MXRA7: variants seen among roughly 807,000 people sequenced by gnomAD.
MXRA7 encodes the protein matrix-remodeling-associated protein 7.
MXRA7 carries 18 observed loss-of-function variants against 17.4 expected under a neutral mutation model. That is an observed-to-expected ratio of 1.03 (90% CI 0.71 to 1.53). MXRA7 has a LOEUF of 1.53. MXRA7 is among the 40% of genes most tolerant of loss of function. The probability of loss-of-function intolerance (pLI) is 0.00; values close to 1 mark genes in which losing one functional copy is unlikely to be tolerated. For synonymous variants in MXRA7, 70 were observed against 101.7 expected (o/e 0.69, Z 1.87); for missense variants, 141 against 209.3 (o/e 0.67, Z 2.01).
chr17:76,689,585 T>C (rs1323736677), intron 1 of MXRA7: 5 of 152,168 alleles, frequency 3.3e-5, no homozygotes, highest in Admixed American at 3.3e-4. Context: ...TGGGCAGGCC[T>C]CTTCCGGGGG....
downstream of MXRA7, among the ~76,000 whole-genome samples, chr17:76,678,932 CTG>C (rs1043191113): frequency 2.0e-5 from 3 of 152,332 alleles, no homozygotes; most frequent in African/African-American, 4.8e-5. Context: ...CCTGGGAAAG[CTG>C]TGTCTACAGT....
intron 1 of MXRA7, among the ~76,000 whole-genome samples, chr17:76,701,428 G>A (rs907821207): frequency 1.1e-4 from 17 of 152,078 alleles, no homozygotes; most frequent in African/African-American, 3.9e-4. Context: ...ACTTGTCAGC[G>A]TGTTGGGCTG....
chr17:76,701,680 G>C (rs1380539591), intron 1 of MXRA7, among the ~76,000 whole-genome samples: 3 of 152,188 alleles, frequency 2.0e-5, no homozygotes, highest in African/African-American at 7.2e-5. Context: ...AGTATGTTGT[G>C]GGTGGGGGGT....
intron 1 of MXRA7, among the ~76,000 whole-genome samples, chr17:76,710,319 AG>A (rs2076705088): frequency 6.6e-6 from 1 of 152,210 alleles, no homozygotes; most frequent in Non-Finnish European, 1.5e-5. Flanking sequence ...GCAGCTGCGG[AG>A]CACGCCCTGG....
At chr17:76,688,290 G>T in intron 1 of MXRA7, 114 bp from the exon 2 acceptor site, 1 of 1,521,434 alleles carries the variant, frequency 6.6e-7, no homozygotes. Flanking sequence ...GCCTGCCCAC[G>T]CCCTGTGGCA....
At chr17:76,687,972 A>T in intron 2 of MXRA7, 141 bp downstream of exon 2, 1 of 833,510 alleles carries the variant, frequency 1.2e-6, no homozygotes, top group Non-Finnish European at 1.9e-6. Flanking sequence ...GCCAGACTCT[A>T]CCTCTCATGC....
intron 1 of MXRA7, among the ~76,000 whole-genome samples, chr17:76,696,435 C>T (rs1198777483): frequency 1.3e-5 from 2 of 151,954 alleles, no homozygotes; most frequent in East Asian, 1.9e-4. Context: ...GTGGGAGGAT[C>T]GCTTGAGTCC....
At chr17:76,700,203 C>T (rs1375640281) in intron 1 of MXRA7, among the ~76,000 whole-genome samples, 1 of 152,132 alleles carries the variant, frequency 6.6e-6, no homozygotes, top group Non-Finnish European at 1.5e-5. Context: ...AACTCCTGAC[C>T]TCAGGTGATC....
downstream of MXRA7, among the ~76,000 whole-genome samples, chr17:76,679,371 A>G (rs759944212): frequency 5.9e-5 from 9 of 152,050 alleles, no homozygotes; most frequent in South Asian, 4.1e-4. Flanking sequence ...AGCACAATCC[A>G]TATGTCCCTG....
At chr17:76,696,114 A>G (rs2076530713) in intron 1 of MXRA7, among the ~76,000 whole-genome samples, 1 of 152,094 alleles carries the variant, frequency 6.6e-6, no homozygotes, top group African/African-American at 2.4e-5. Context: ...AAAAGAAAGA[A>G]AGAAACAGTG....
intron 1 of MXRA7, among the ~76,000 whole-genome samples, chr17:76,704,127 T>C (rs917090156): frequency 6.6e-6 from 1 of 150,822 alleles, no homozygotes; most frequent in African/African-American, 2.4e-5. Flanking sequence ...GAAGATAGCA[T>C]TGCTTCTACC....
At chr17:76,710,463 T>G in intron 1 of MXRA7, 142 bp downstream of exon 1, 1 of 664,096 alleles carries the variant, frequency 1.5e-6, no homozygotes, top group Non-Finnish European at 2.1e-6. Context: ...GGACCTGCAT[T>G]TCCTGCGGGC....
intron 1 of MXRA7, among the ~76,000 whole-genome samples, chr17:76,703,897 C>T (rs1230094790): frequency 6.6e-6 from 1 of 151,892 alleles, no homozygotes; most frequent in African/African-American, 2.4e-5. Context: ...GCCATCAAAT[C>T]TCATGCAGAC....
chr17:76,690,936 G>A (rs2076473521), intron 1 of MXRA7, among the ~76,000 whole-genome samples: 1 of 152,080 alleles, frequency 6.6e-6, no homozygotes, highest in South Asian at 2.1e-4. Flanking sequence ...AGCATGTTTT[G>A]TTCTAACATT....
intron 3 of MXRA7, among the ~76,000 whole-genome samples, chr17:76,682,014 A>T (rs902072599): frequency 6.6e-6 from 1 of 152,210 alleles, no homozygotes; most frequent in African/African-American, 2.4e-5. Context: ...GGCAAGCAGG[A>T]TCTTAAGCAG....
rs56067261 is a variant in MXRA7 at position 76,707,291 on chromosome 17, C to CTTTTTTTTTTT, written c.342+3303_342+3313dup. Among the ~76,000 whole-genome samples the CTTTTTTTTTTT allele has an allele frequency of 1.1e-3, 104 of 96,066 alleles. 3 individuals carry two copies. The highest frequency in any genetic ancestry group is 3.8e-3 in the East Asian group (10 of 2,648). 63.0% of individuals were successfully genotyped at this position (96,066 alleles called of 152,430 possible). ...CACTGCCTTGCAGGAAGTCCCTACT[C>CTTTTTTTTTTT]TTTTTTTTTTTTTTTTTTTTTTTTT... On this transcript the variant is annotated intron_variant, in intron 1 of 3. Transcript: ENST00000449428.
At chr17:76,678,414 C>T (rs73996653), downstream of MXRA7, among the ~76,000 whole-genome samples, 9,437 of 152,270 alleles carry the variant, frequency 0.062, 1,005 homozygotes, top group African/African-American at 0.21. Context: ...GCTACACCAT[C>T]TGACCAGCAC....
intron 1 of MXRA7, among the ~76,000 whole-genome samples, chr17:76,694,738 A>T (rs1718363477): frequency 6.6e-6 from 1 of 152,106 alleles, no homozygotes; most frequent in South Asian, 2.1e-4. Context: ...GACATGGGCC[A>T]CGAGGCTTGG....
intron 2 of MXRA7, among the ~76,000 whole-genome samples, chr17:76,686,966 G>A (rs1181965863): frequency 1.3e-5 from 2 of 152,136 alleles, no homozygotes; most frequent in Non-Finnish European, 2.9e-5. Context: ...CTGGGGGACT[G>A]TGCCCTCTGG....
Sources: gnomAD v4.1 joint callset for allele counts (sites outside exome capture counted in the v4.1 genomes callset) on GRCh38, gnomAD v4.1.1 for gene constraint, MANE v1.5 for transcripts, NCBI Gene and HGNC (gene_info 2026-07-23, HGNC 2026-07-21) for gene names.